The following RHOU variants were observed in gnomAD, a reference collection of about 807,000 sequenced individuals.
The protein encoded by RHOU is rho-related GTP-binding protein RhoU.
In RHOU, 8 loss-of-function variants were observed where a neutral mutation model predicts 12.6. The ratio of observed to expected loss-of-function variants is 0.64; its 90% CI spans 0.37 to 1.15. The LOEUF (loss-of-function observed/expected upper bound fraction) is 1.15, where lower values mean the gene tolerates loss of function less well. RHOU is among the 50% of genes most tolerant of loss of function. The pLI, the probability that RHOU is intolerant of heterozygous loss-of-function variation, is 0.01. For missense variants in RHOU, 258 were observed against 347.0 expected, an observed-to-expected ratio of 0.74 and a Z score of 2.04; for synonymous variants, 161 against 147.4, an observed-to-expected ratio of 1.09 and a Z score of -0.67.
chr1:228,661,555 C>T, the RHOU span, among the ~76,000 whole-genome samples: 1 of 152,122 alleles, frequency 6.6e-6, no homozygotes, highest in African/African-American at 2.4e-5. Flanking sequence ...CTTTGACAAA[C>T]CTGGCAAAAA....
rs138361830 is a variant in RHOU, at chr1:228,743,564, A to G, written c.601A>G (p.Ile201Val). The part of the protein sequence containing the change: ...CAEEIKAASY[I>V]ECSALTQKNL... ...CGAGGAAATCAAAGCCGCCTCCTAC[A>G]TCGAGTGTTCAGCCTTGACTCAAAA... The change falls in exon 3 of 3, where the codon ATC (isoleucine) becomes GTC (valine). Residue 201 changes from isoleucine (I) to valine (V), a missense_variant. Ile to Val is a conservative substitution (Grantham distance 29). Coordinates refer to ENST00000366691, the MANE Select transcript of RHOU (RefSeq NM_021205.6). The surrounding 1 kb of genome is among the most constrained non-coding windows in gnomAD (Gnocchi z 5.1). The G allele has an allele frequency of 1.4e-4, 233 of 1,614,080 alleles. No individual in the cohort carries two copies. Among genetic ancestry groups the G allele is most frequent in the Non-Finnish European group, 1.9e-4 (223 of 1,180,050 alleles).
chr1:228,686,896 C>T, the RHOU span, among the ~76,000 whole-genome samples: 8 of 152,096 alleles, frequency 5.3e-5, no homozygotes, highest in African/African-American at 1.9e-4. Flanking sequence ...TGTACCACCA[C>T]ATCTAGCTGA....
the RHOU span, among the ~76,000 whole-genome samples, chr1:228,701,049 A>G: frequency 1.3e-5 from 2 of 152,162 alleles, no homozygotes; most frequent in African/African-American, 4.8e-5. Context: ...TGACTGTGCC[A>G]CTGCACTCTA....
the RHOU span, among the ~76,000 whole-genome samples, chr1:228,690,039 C>T: frequency 3.9e-5 from 6 of 152,068 alleles, no homozygotes; most frequent in East Asian, 7.7e-4. Flanking sequence ...CAATTCTTAA[C>T]GCTGTTTCAA....
the RHOU span, among the ~76,000 whole-genome samples, chr1:228,707,255 A>ATACAT: frequency 7.4e-5 from 3 of 40,704 alleles, no homozygotes; most frequent in African/African-American, 3.2e-4. Flanking sequence ...ATATATATAT[A>ATACAT]GTGTGTGTGT....
the RHOU span, among the ~76,000 whole-genome samples, chr1:228,718,339 G>A: frequency 2.0e-5 from 3 of 152,186 alleles, no homozygotes; most frequent in South Asian, 6.2e-4. Context: ...TGGACAGCTT[G>A]GGAAGTATAT....
chr1:228,700,362 C>T, the RHOU span, among the ~76,000 whole-genome samples: 1 of 152,156 alleles, frequency 6.6e-6, no homozygotes, highest in Non-Finnish European at 1.5e-5. Flanking sequence ...CTTGTGTTAG[C>T]AGTTTCATAA....
At chr1:228,742,053 A>G (rs1433351433) in intron 2 of RHOU, among the ~76,000 whole-genome samples, 1 of 152,242 alleles carries the variant, frequency 6.6e-6, no homozygotes, top group African/African-American at 2.4e-5. Context: ...CTTGGTAAAT[A>G]ATCGGAGTGT....
the RHOU span, among the ~76,000 whole-genome samples, chr1:228,683,777 G>A: frequency 6.6e-6 from 1 of 152,200 alleles, no homozygotes; most frequent in Non-Finnish European, 1.5e-5. Flanking sequence ...GGTTTCAGGA[G>A]GTCCTAAGAA....
chr1:228,707,817 T>C, the RHOU span, among the ~76,000 whole-genome samples: 3 of 152,144 alleles, frequency 2.0e-5, no homozygotes, highest in African/African-American at 7.2e-5. Context: ...AGAATGACTT[T>C]GACAAGCTGA....
In RHOU at chr1:228,743,821, T is replaced by C. The variant is rs1571892335; in HGVS notation, c.*81T>C. 2 of 1,196,216 alleles carry C rather than the reference T, an allele frequency of 1.7e-6. No individual in the cohort carries two copies. 74.1% of individuals were successfully genotyped at this position (1,196,216 alleles called of 1,614,324 possible). On this transcript the variant is annotated 3_prime_UTR_variant, in exon 3 of 3. Transcript: ENST00000366691. The surrounding 1 kb of genome is among the most constrained non-coding windows in gnomAD (Gnocchi z 5.1). Reference sequence around the variant, plus strand: ...TATTAGCTGAAACAACTCCTTTTACTGCGTAGAACCTATATCGAGAGTGTG... The same window carrying C: ...TATTAGCTGAAACAACTCCTTTTACCGCGTAGAACCTATATCGAGAGTGTG...
At chr1:228,652,017 C>G in the RHOU span, among the ~76,000 whole-genome samples, 1 of 152,234 alleles carries the variant, frequency 6.6e-6, no homozygotes, top group South Asian at 2.1e-4. Flanking sequence ...GGCTTCCTCA[C>G]TGACCTTGGA....
chr1:228,715,439 A>G, the RHOU span, among the ~76,000 whole-genome samples: 1 of 152,088 alleles, frequency 6.6e-6, no homozygotes, highest in African/African-American at 2.4e-5. Context: ...TTTGTTGTCA[A>G]TAATTTCTAG....
the RHOU span, among the ~76,000 whole-genome samples, chr1:228,712,253 G>T: frequency 6.7e-6 from 1 of 150,326 alleles, no homozygotes; most frequent in African/African-American, 2.5e-5. Flanking sequence ...TCAGTGTGGC[G>T]ATTCCTCAGG....
At chr1:228,648,560 AG>A in the RHOU span, among the ~76,000 whole-genome samples, 1 of 152,144 alleles carries the variant, frequency 6.6e-6, no homozygotes, top group Non-Finnish European at 1.5e-5. Context: ...TCACCCACCC[AG>A]AGCCGTTTCT....
chr1:228,679,915 T>C, the RHOU span, among the ~76,000 whole-genome samples: 2 of 152,046 alleles, frequency 1.3e-5, no homozygotes, highest in Admixed American at 6.6e-5. Flanking sequence ...GGGAAGCATG[T>C]AATTTAGTTA....
the RHOU span, among the ~76,000 whole-genome samples, chr1:228,723,640 G>A: frequency 1.3e-5 from 2 of 152,226 alleles, no homozygotes; most frequent in Non-Finnish European, 2.9e-5. Context: ...AGAGCTAAGA[G>A]CCGGGGCTTT....
chr1:228,681,972 G>A, the RHOU span, among the ~76,000 whole-genome samples: 3,068 of 152,252 alleles, frequency 0.02, 105 homozygotes, highest in African/African-American at 0.07. Flanking sequence ...AGGCATCCCC[G>A]TGGTGATCAG....
chr1:228,693,813 A>C, the RHOU span, among the ~76,000 whole-genome samples: 2 of 152,240 alleles, frequency 1.3e-5, no homozygotes, highest in African/African-American at 4.8e-5. Context: ...AAGCTAAAAG[A>C]AGATGATTTT....
Sources: allele counts gnomAD v4.1 joint callset (sites outside exome capture counted in the v4.1 genomes callset), GRCh38; gene constraint gnomAD v4.1.1; non-coding constraint Gnocchi (gnomAD v3.1); transcripts MANE v1.5; gene names NCBI Gene and HGNC (gene_info 2026-07-23, HGNC 2026-07-21).